SASH1: variants seen among roughly 807,000 people sequenced by gnomAD.
SASH1 encodes the protein SAM and SH3 domain-containing protein 1.
SASH1 carries 44 observed loss-of-function variants against 125.2 expected under a neutral mutation model. The ratio of observed to expected loss-of-function variants is 0.35; its 90% confidence interval spans 0.28 to 0.45. The LOEUF (loss-of-function observed/expected upper bound fraction) is 0.45, where lower values mean the gene tolerates loss of function less well. Among genes scored for constraint, SASH1 ranks in the 20% least tolerant of loss-of-function variants. The pLI is 1.00. For missense variants in SASH1, 1,426 were observed against 1,614.5 expected (o/e 0.88, Z 2.00); for synonymous variants, 639 against 649.1 (o/e 0.98, Z 0.24).
At chr6:148,420,537 G>T (rs902824843) in intron 2 of SASH1, among the ~76,000 whole-genome samples, 1 of 151,948 alleles carries the variant, frequency 6.6e-6, no homozygotes, top group East Asian at 1.9e-4. Flanking sequence ...CCTTCCCCAG[G>T]GAGTTTACAT....
At chr6:148,201,428 T>C in the SASH1 span, among the ~76,000 whole-genome samples, 3 of 152,170 alleles carry the variant, frequency 2.0e-5, no homozygotes, top group Non-Finnish European at 4.4e-5. Flanking sequence ...TGGAATCTCC[T>C]GGAAGGCCGA....
chr6:148,468,359 A>G (rs1321042071), intron 4 of SASH1, among the ~76,000 whole-genome samples, 186 bp from the exon 5 acceptor site: 1 of 152,188 alleles, frequency 6.6e-6, no homozygotes, highest in Non-Finnish European at 1.5e-5. Context: ...AATGTCGACA[A>G]ATGGCACACG....
intron 7 of SASH1, among the ~76,000 whole-genome samples, chr6:148,478,523 G>A (rs1393921689): frequency 6.6e-6 from 1 of 152,196 alleles, no homozygotes. Context: ...GGTTACCAGA[G>A]CCTGGGGATG....
At position 148,377,868 on chromosome 6, in the gene SASH1, C is replaced by G. The variant is rs374966203; in HGVS notation, c.157-12266C>G. 6.6e-4 allele frequency among the ~76,000 whole-genome samples: 101 copies of G among 152,238 alleles called. 1 individual carries two copies. The highest frequency in any genetic ancestry group is 2.2e-3 in the African/African-American group (93 of 41,536). ...TGCCAGATGATCTGTCAAGGGTTTACAAGTATTTTATTTAATCCTATTACA... is the reference window on the plus strand; with the variant it reads ...TGCCAGATGATCTGTCAAGGGTTTAGAAGTATTTTATTTAATCCTATTACA... On this transcript the variant is annotated intron_variant, in intron 1 of 19. Coordinates refer to ENST00000367467, the MANE Select transcript of SASH1 (RefSeq NM_015278.5).
chr6:148,502,354 G>GA (rs911968511), intron 8 of SASH1, among the ~76,000 whole-genome samples: 15 of 146,896 alleles, frequency 1.0e-4, no homozygotes, highest in East Asian at 6.0e-4. Context: ...TGTGATAAAA[G>GA]AAAAAAAAAA....
intron 16 of SASH1, among the ~76,000 whole-genome samples, chr6:148,538,074 C>CT (rs1412586837): frequency 2.0e-5 from 3 of 152,124 alleles, no homozygotes; most frequent in African/African-American, 7.2e-5. Context: ...GGCACCTCAC[C>CT]TCTTTTTCTC....
chr6:148,446,095 T>TTTTTTTTTTTTTTTTTTCTTTTTTTTC, intron 4 of SASH1, among the ~76,000 whole-genome samples: 1 of 5,922 alleles, frequency 1.7e-4, no homozygotes, highest in Non-Finnish European at 3.1e-4. Flanking sequence ...GTTCTTTTTT[T>TTTTTTTTTTTTTTTTTTCTTTTTTTTC]TTTTTTTTTT....
At chr6:148,508,781 T>C (rs1257457871) in intron 8 of SASH1, 1 of 1,222,764 alleles carries the variant, frequency 8.2e-7, no homozygotes, top group Non-Finnish European at 1.1e-6. Context: ...CGGAGTTTGA[T>C]GCTACAAGAG....
the SASH1 span, among the ~76,000 whole-genome samples, chr6:148,223,663 T>C: frequency 3.4e-3 from 512 of 152,328 alleles, 5 homozygotes; most frequent in African/African-American, 0.011. Context: ...GTAGAATATA[T>C]GCAATGAGAT....
At chr6:148,376,603 T>C (rs1017929569) in intron 1 of SASH1, among the ~76,000 whole-genome samples, 5 of 152,152 alleles carry the variant, frequency 3.3e-5, no homozygotes, top group Admixed American at 6.5e-5. Context: ...GCCTCATGCC[T>C]GTAATCCTAG....
intron 8 of SASH1, among the ~76,000 whole-genome samples, chr6:148,488,227 A>G (rs536137260): frequency 6.6e-6 from 1 of 152,308 alleles, no homozygotes; most frequent in East Asian, 1.9e-4. Flanking sequence ...AGCTCATGTA[A>G]GTGGAATTAT....
intron 1 of SASH1, among the ~76,000 whole-genome samples, chr6:148,337,725 G>A (rs112429884): frequency 2.0e-4 from 30 of 152,284 alleles, no homozygotes; most frequent in African/African-American, 6.5e-4. Flanking sequence ...GTGTGTATAT[G>A]TATATATGTG....
intron 1 of SASH1, among the ~76,000 whole-genome samples, chr6:148,326,371 T>C (rs184596291): frequency 0.035 from 2,636 of 74,396 alleles, 188 homozygotes; most frequent in Non-Finnish European, 0.054. Context: ...TATATATATA[T>C]ATACATTCTT....
At position 148,421,209 on chromosome 6, in the gene SASH1, GAAAGAA is replaced by G. The variant is rs1421696084; in HGVS notation, c.286-18967_286-18962del. 3.0e-3 allele frequency among the ~76,000 whole-genome samples: 418 copies of G among 137,106 alleles called. 3 individuals carry two copies. Among genetic ancestry groups the G allele is most frequent in the East Asian group, 7.0e-3 (31 of 4,460 alleles). 89.9% of individuals were successfully genotyped at this position (137,106 alleles called of 152,430 possible). A position where few individuals can be genotyped will look rare whatever the true frequency, so the allele number is the denominator to read the frequency against. ...AGAAAGAAAGAAAGAAAGAAAGAAA[GAAAGAA>G]AAAGAAAGAAAGAAGGAAGTGACTA... On this transcript the variant is annotated intron_variant, in intron 2 of 19. Transcript: ENST00000367467.
At chr6:148,436,069 G>T (rs958071832) in intron 2 of SASH1, among the ~76,000 whole-genome samples, 1 of 152,262 alleles carries the variant, frequency 6.6e-6, no homozygotes, top group Non-Finnish European at 1.5e-5. Context: ...TCAGCATGGC[G>T]GACTGTAATT....
chr6:148,387,905 ATTTTTT>A (rs71004291), intron 1 of SASH1, among the ~76,000 whole-genome samples: 2 of 53,964 alleles, frequency 3.7e-5, no homozygotes, highest in Non-Finnish European at 6.4e-5. Flanking sequence ...CGCCCTGCTA[ATTTTTT>A]TTTTTTTTTT....
chr6:148,527,231 A>G lies in SASH1; in HGVS notation c.1285-222A>G, dbSNP rs901081468. On this transcript the variant is annotated intron_variant, in intron 11 of 19. Transcript: ENST00000367467. Reference sequence around the variant, plus strand: ...TAAGAATGTACTAAAAGTAAGTAAAATAAAAAGTGACTCACATCCCACTTT... The same window carrying G: ...TAAGAATGTACTAAAAGTAAGTAAAGTAAAAAGTGACTCACATCCCACTTT... 74 of 445,378 alleles carry G rather than the reference A, an allele frequency of 1.7e-4. 1 individual carries two copies. In the East Asian group the frequency reaches 2.9e-3, roughly 18 times the overall value. The allele number at this position is 445,378 out of a possible 1,614,324, so 27.6% of individuals were successfully genotyped here.
chr6:148,468,626 A>T, intron 5 of SASH1, 41 bp downstream of exon 5: 1 of 1,308,362 alleles, frequency 7.6e-7, no homozygotes, highest in Non-Finnish European at 1.1e-6. Flanking sequence ...TAATTATTTC[A>T]ATACTTTATA....
the SASH1 span, among the ~76,000 whole-genome samples, chr6:148,239,092 G>A: frequency 1.4e-4 from 22 of 152,122 alleles, no homozygotes; most frequent in African/African-American, 5.1e-4. Context: ...ACTCTATCAC[G>A]GGACCTCATT....
Sources: allele counts gnomAD v4.1 joint callset (sites outside exome capture counted in the v4.1 genomes callset), GRCh38; gene constraint gnomAD v4.1.1; transcripts MANE v1.5; gene names NCBI Gene and HGNC (gene_info 2026-07-23, HGNC 2026-07-21).